NOMO2: variants seen among roughly 807,000 people sequenced by gnomAD.
NOMO2 encodes the protein BOS complex subunit NOMO2.
A neutral mutation model predicts 67.1 loss-of-function variants in NOMO2; 14 were observed. That is an observed-to-expected ratio of 0.21 (90% CI 0.14 to 0.33). The LOEUF is 0.33. NOMO2 is among the 10% of genes least tolerant of loss of function. The probability of loss-of-function intolerance (pLI) is 1.00; values close to 1 mark genes in which losing one functional copy is unlikely to be tolerated. For missense variants in NOMO2, 178 were observed against 761.0 expected, an observed-to-expected ratio of 0.23 and a Z score of 9.01; for synonymous variants, 80 against 305.9, an observed-to-expected ratio of 0.26 and a Z score of 7.71.
At chr16:18,538,739 C>T in intron 10 of NOMO2, 63 bp from the exon 11 acceptor site, 1 of 1,612,286 alleles carries the variant, frequency 6.2e-7, no homozygotes. Context: ...CTTACATGTA[C>T]ACCAGAATAC....
At chr16:18,559,113 T>C (rs902059637) in intron 1 of NOMO2, among the ~76,000 whole-genome samples, 1 of 151,738 alleles carries the variant, frequency 6.6e-6, no homozygotes, top group African/African-American at 2.4e-5. Context: ...TGGTGAGCTA[T>C]GATGGTGCCA....
Position 18,533,148 on chromosome 16 carries a change from G to A in NOMO2, c.1252C>T (p.Arg418Cys), listed in dbSNP as rs764563333. The A allele has an allele frequency of 5.6e-6, 9 of 1,611,350 alleles. No individual in the cohort carries two copies. Among genetic ancestry groups the A allele is most frequent in the African/African-American group, 5.4e-5 (4 of 74,758 alleles). ...FSVCGRISII[R>C]FPDTVKQMNK... is the part of the protein sequence containing the mutation. ...ATCTGCTTGACGGTGTCCGGGAAGCGAATGATTGATATCCGACCACAGACA... is the reference window on the plus strand; with the variant it reads ...ATCTGCTTGACGGTGTCCGGGAAGCAAATGATTGATATCCGACCACAGACA... The change falls in exon 12 of 31, where the codon CGC (arginine) becomes TGC (cysteine). Residue 418 changes from arginine (R) to cysteine (C), a missense_variant. Arg to Cys is a radical substitution (Grantham distance 180). Transcript: ENST00000622306.
intron 11 of NOMO2, among the ~76,000 whole-genome samples, chr16:18,536,094 C>A (rs1193929501): frequency 6.6e-6 from 1 of 152,078 alleles, no homozygotes; most frequent in Non-Finnish European, 1.5e-5. Context: ...CCATGCCCGG[C>A]CAACCAACAG....
intron 1 of NOMO2, among the ~76,000 whole-genome samples, chr16:18,560,826 C>T (rs1391015423): frequency 6.6e-6 from 1 of 151,610 alleles, no homozygotes; most frequent in Non-Finnish European, 1.5e-5. Flanking sequence ...CTTTGCAGAA[C>T]ACAGAGCTTC....
chr16:18,558,838 T>A (rs1901972156), intron 1 of NOMO2: 2 of 455,590 alleles, frequency 4.4e-6, no homozygotes, highest in African/African-American at 4.0e-5. Flanking sequence ...TTCACATCAA[T>A]GCATATTAAG....
intron 1 of NOMO2, among the ~76,000 whole-genome samples, chr16:18,560,312 A>G (rs929564865): frequency 6.6e-6 from 1 of 151,496 alleles, no homozygotes; most frequent in African/African-American, 2.4e-5. Flanking sequence ...ATGGGTCACA[A>G]AACCTGTTCT....
intron 9 of NOMO2, among the ~76,000 whole-genome samples, chr16:18,539,986 C>A (rs1445832227): frequency 6.6e-6 from 1 of 151,520 alleles, no homozygotes; most frequent in Admixed American, 6.6e-5. Context: ...TCTGAAATGT[C>A]CTCGTTCGAT....
chr16:18,560,249 T>C (rs910697110), intron 1 of NOMO2, among the ~76,000 whole-genome samples: 4 of 151,750 alleles, frequency 2.6e-5, no homozygotes, highest in African/African-American at 7.3e-5. Context: ...AAAGAATGAG[T>C]GTCCCACACC....
chr16:18,561,059 G>A lies in NOMO2; in HGVS notation c.165+817C>T, dbSNP rs933846030. Among the ~76,000 whole-genome samples, 6 of 149,878 alleles carry A rather than the reference G, an allele frequency of 4.0e-5. No individual in the cohort carries two copies. The Admixed American group carries it at 4.0e-4, about 10-fold the overall frequency. On this transcript the variant is annotated intron_variant, in intron 1 of 30. Coordinates refer to ENST00000622306, the MANE Select transcript of NOMO2 (RefSeq NM_173614.4). ...TGCTCTGGTCCCCTCCCATCTACCGGGACAAATGACATTCTGCCCCTACCT... is the reference window on the plus strand; with the variant it reads ...TGCTCTGGTCCCCTCCCATCTACCGAGACAAATGACATTCTGCCCCTACCT...
Position 18,533,571 on chromosome 16 carries a change from G to C in NOMO2, c.1221-392C>G, listed in dbSNP as rs185489223. ...TGAGAATGTGGGCTAGCCCTTAAAA[G>C]CAAGAGCTCTAAGCTGCCTAAGAAA... On this transcript the variant is annotated intron_variant, in intron 11 of 30. Transcript: ENST00000622306. 2.8e-3 allele frequency: 507 copies of C among 181,672 alleles called. 3 individuals carry two copies. The highest frequency in any genetic ancestry group is 4.9e-3 in the Admixed American group (90 of 18,198). 11.3% of individuals were successfully genotyped at this position (181,672 alleles called of 1,614,324 possible).
At chr16:18,549,294 G>A (rs1901724496) in intron 5 of NOMO2, among the ~76,000 whole-genome samples, 1 of 149,710 alleles carries the variant, frequency 6.7e-6, no homozygotes, top group South Asian at 2.1e-4. Context: ...TGGCCAGTAT[G>A]AACTCATATT....
chr16:18,527,011 G>A (rs1901160760), intron 16 of NOMO2, among the ~76,000 whole-genome samples: 1 of 148,992 alleles, frequency 6.7e-6, no homozygotes, highest in South Asian at 2.2e-4. Context: ...TAGGTCAGGA[G>A]TTTGAGACCA....
At chr16:18,546,193 C>T (rs1226019398) in intron 6 of NOMO2, among the ~76,000 whole-genome samples, 2 of 58,048 alleles carry the variant, frequency 3.4e-5, no homozygotes, top group Admixed American at 4.1e-4. Flanking sequence ...GGTGAAGGAT[C>T]GCTTAAGGCC....
At chr16:18,535,885 C>G (rs1284956393) in intron 11 of NOMO2, among the ~76,000 whole-genome samples, 2 of 152,002 alleles carry the variant, frequency 1.3e-5, no homozygotes, top group Non-Finnish European at 2.9e-5. Context: ...CAACCCCTGC[C>G]TCTCGGATTC....
intron 17 of NOMO2, among the ~76,000 whole-genome samples, chr16:18,524,157 A>G (rs1367322747): frequency 6.0e-5 from 5 of 82,716 alleles, no homozygotes; most frequent in African/African-American, 2.1e-4. Flanking sequence ...AAACCCACAC[A>G]CGTCTGTAAA....
rs776220895 is a variant in NOMO2, at chr16:18,557,741, G to A, written c.216C>T (p.Ala72=). 3 of 1,609,878 alleles carry A rather than the reference G, an allele frequency of 1.9e-6. No homozygotes were observed. Among genetic ancestry groups the A allele is most frequent in the African/African-American group, 1.3e-5 (1 of 74,802 alleles). The change falls in exon 2 of 31, where the codon GCC becomes GCT. Residue 72 remains alanine, a synonymous_variant. Coordinates refer to ENST00000622306, the MANE Select transcript of NOMO2 (RefSeq NM_173614.4). ...HGTLKYQTDC[A]PNNGYFMIPL... ...GGATCATAAAGTAACCATTATTAGG[G>A]GCACAGTCTGTCTGGTATTTCAAAG... is the stretch of plus-strand genomic sequence containing the variant.
intron 2 of NOMO2, among the ~76,000 whole-genome samples, chr16:18,556,321 G>A (rs565684235): frequency 6.6e-6 from 1 of 152,018 alleles, no homozygotes; most frequent in Non-Finnish European, 1.5e-5. Flanking sequence ...GGGCATGGTG[G>A]TGGGTGCCTG....
Position 18,549,481 on chromosome 16 carries a change from C to T in NOMO2, c.509+40G>A, listed in dbSNP as rs991598566. 3 of 740,842 alleles carry T rather than the reference C, an allele frequency of 4.0e-6. No individual in the cohort carries two copies. In the African/African-American group the frequency reaches 5.2e-5, roughly 13 times the overall value. 45.9% of individuals were successfully genotyped at this position (740,842 alleles called of 1,614,324 possible). The stretch of plus-strand genomic sequence containing the variant: ...CCAGCTCCATGACCCCTGTCAGAGC[C>T]CGGCTCTAAGGCAACACTAAGAGAC... On this transcript the variant is annotated intron_variant, in intron 5 of 30. Coordinates refer to ENST00000622306, the MANE Select transcript of NOMO2 (RefSeq NM_173614.4).
intron 15 of NOMO2, among the ~76,000 whole-genome samples, chr16:18,528,380 C>T (rs1901198263): frequency 6.6e-6 from 1 of 151,968 alleles, no homozygotes; most frequent in Non-Finnish European, 1.5e-5. Flanking sequence ...AATCGATCTC[C>T]TATAACAAAT....
Sources: gnomAD v4.1 joint callset for allele counts (sites outside exome capture counted in the v4.1 genomes callset) on GRCh38, gnomAD v4.1.1 for gene constraint, MANE v1.5 for transcripts, NCBI Gene and HGNC (gene_info 2026-07-23, HGNC 2026-07-21) for gene names.